Variants in RBFOX1 observed in about 807,000 individuals in gnomAD.
The protein encoded by RBFOX1 is RNA binding fox-1 homolog 1.
Under a neutral mutation model 57.7 loss-of-function variants are expected in RBFOX1, and 8 were observed. That is an observed-to-expected ratio of 0.14 (90% confidence interval 0.08 to 0.25). The LOEUF is 0.25. Among genes scored for constraint, RBFOX1 ranks in the 10% least tolerant of loss-of-function variants. The probability of loss-of-function intolerance (pLI) is 1.00; values close to 1 mark genes in which losing one functional copy is unlikely to be tolerated. For synonymous variants in RBFOX1, 326 were observed against 222.4 expected (o/e 1.47, Z -4.15); for missense variants, 611 against 548.5 (o/e 1.11, Z -1.14).
chr16:6,148,653 G>T (rs1276615899), intron 1 of RBFOX1, among the ~76,000 whole-genome samples: 4 of 152,308 alleles, frequency 2.6e-5, no homozygotes, highest in Non-Finnish European at 4.4e-5. Context: ...AAATGCTGGT[G>T]ATGTAGAACA....
At chr16:6,476,871 G>A (rs989221478) in intron 2 of RBFOX1, among the ~76,000 whole-genome samples, 1 of 152,194 alleles carries the variant, frequency 6.6e-6, no homozygotes, top group African/African-American at 2.4e-5. Flanking sequence ...AATCAACTAA[G>A]TGTATGTAAT....
intron 11 of RBFOX1, among the ~76,000 whole-genome samples, chr16:7,653,576 T>C (rs188786022): frequency 1.3e-5 from 2 of 152,340 alleles, no homozygotes; most frequent in African/African-American, 2.4e-5. Flanking sequence ...TTGCAAATGT[T>C]TGTCAGTCAC....
At chr16:6,402,261 C>G (rs1212434114) in intron 2 of RBFOX1, among the ~76,000 whole-genome samples, 3 of 152,124 alleles carry the variant, frequency 2.0e-5, no homozygotes, top group East Asian at 1.9e-4. Context: ...CCACTGGTCT[C>G]TGGGGTAGAA....
intron 3 of RBFOX1, among the ~76,000 whole-genome samples, chr16:7,025,725 C>T (rs1047048512): frequency 1.3e-5 from 2 of 151,998 alleles, no homozygotes; most frequent in Admixed American, 6.5e-5. Flanking sequence ...GTCAGGACAT[C>T]CTAGCTGAGC....
At chr16:6,647,146 A>G (rs1398238222) in intron 2 of RBFOX1, among the ~76,000 whole-genome samples, 1 of 152,172 alleles carries the variant, frequency 6.6e-6, no homozygotes, top group Non-Finnish European at 1.5e-5. Context: ...CTGGGTCCTC[A>G]TTTGGACATT....
intron 3 of RBFOX1, among the ~76,000 whole-genome samples, chr16:6,735,479 G>C (rs2069954751): frequency 6.6e-6 from 1 of 152,194 alleles, no homozygotes. Flanking sequence ...AATCTTCAGA[G>C]TATACATATT....
intron 1 of RBFOX1, among the ~76,000 whole-genome samples, chr16:5,313,831 G>C (rs565428804): frequency 2.0e-5 from 3 of 151,234 alleles, no homozygotes; most frequent in African/African-American, 7.3e-5. Flanking sequence ...TACAATCAAA[G>C]ATGAGATTTG....
At chr16:5,662,027 C>G (rs186346660) in intron 3 of RBFOX1, among the ~76,000 whole-genome samples, 4 of 152,190 alleles carry the variant, frequency 2.6e-5, no homozygotes, top group African/African-American at 7.2e-5. Flanking sequence ...ACGTCGTAAT[C>G]CACTCACCTC....
At chr16:5,731,936 G>C (rs912919591) in intron 3 of RBFOX1, among the ~76,000 whole-genome samples, 4 of 152,142 alleles carry the variant, frequency 2.6e-5, no homozygotes, top group Non-Finnish European at 5.9e-5. Flanking sequence ...TTTAATGGAA[G>C]GTCCTCTCTC....
intron 2 of RBFOX1, among the ~76,000 whole-genome samples, chr16:5,522,877 T>G (rs2044075423): frequency 6.6e-6 from 1 of 152,334 alleles, no homozygotes; most frequent in African/African-American, 2.4e-5. Flanking sequence ...GATTCCATTC[T>G]TTTTTTATGG....
intron 3 of RBFOX1, among the ~76,000 whole-genome samples, chr16:6,710,351 A>T (rs1019615690): frequency 6.6e-6 from 1 of 152,246 alleles, no homozygotes; most frequent in Non-Finnish European, 1.5e-5. Context: ...AACAGGTGAA[A>T]TTAATGCATT....
At chr16:6,867,437 G>A (rs12919862) in intron 3 of RBFOX1, among the ~76,000 whole-genome samples, 1 of 151,756 alleles carries the variant, frequency 6.6e-6, no homozygotes, top group Admixed American at 6.6e-5. Flanking sequence ...GAAGAAAGGG[G>A]GCCGGGTGTG....
intron 2 of RBFOX1, among the ~76,000 whole-genome samples, chr16:5,494,932 G>C (rs4630546): frequency 0.85 from 129,499 of 152,208 alleles, 55,204 homozygotes; most frequent in Middle Eastern, 0.92. Flanking sequence ...GCTCCTGTAA[G>C]TGAAGTAGGA....
At chr16:6,989,875 C>T (rs527466365) in intron 3 of RBFOX1, among the ~76,000 whole-genome samples, 2 of 152,024 alleles carry the variant, frequency 1.3e-5, no homozygotes, top group Non-Finnish European at 2.9e-5. Flanking sequence ...TGATGGGCAC[C>T]GTATAATCCC....
intron 4 of RBFOX1, among the ~76,000 whole-genome samples, chr16:7,171,269 C>T (rs1334141760): frequency 6.6e-6 from 1 of 152,136 alleles, no homozygotes; most frequent in Non-Finnish European, 1.5e-5. Context: ...TCCTTGAAAC[C>T]CCAATTTCCT....
At position 7,405,239 on chromosome 16, in the gene RBFOX1, G is replaced by T. The variant is rs116044725; in HGVS notation, c.28-112908G>T. Among the ~76,000 whole-genome samples the T allele has an allele frequency of 4.4e-3, 675 of 152,310 alleles. 2 individuals are homozygous for T. Among genetic ancestry groups the T allele is most frequent in the African/African-American group, 0.016 (647 of 41,564 alleles). ...GCTTGGTAAAGTAGAAAGGAAAACA[G>T]CAGAAATTAGCACGGCGCAGCGCTG... On this transcript the variant is annotated intron_variant, in intron 4 of 15. Coordinates refer to ENST00000550418, the MANE Select transcript of RBFOX1 (RefSeq NM_018723.4).
intron 3 of RBFOX1, among the ~76,000 whole-genome samples, chr16:6,903,987 G>T (rs958744612): frequency 6.6e-6 from 1 of 152,202 alleles, no homozygotes; most frequent in Middle Eastern, 3.4e-3. Context: ...ACATCCCAGG[G>T]AGTGACCACG....
chr16:5,984,684 A>G (rs2060245934), intron 4 of RBFOX1, among the ~76,000 whole-genome samples: 1 of 152,100 alleles, frequency 6.6e-6, no homozygotes, highest in South Asian at 2.1e-4. Context: ...TGAGAAGTGC[A>G]TCGTTAGGGA....
intron 1 of RBFOX1, among the ~76,000 whole-genome samples, chr16:5,410,070 TAATC>T (rs1456263915): frequency 7.4e-6 from 1 of 135,478 alleles, no homozygotes; most frequent in Non-Finnish European, 1.6e-5. Flanking sequence ...AAAAAAATAA[TAATC>T]AACATGCAGC....
Sources: allele counts gnomAD v4.1 joint callset (sites outside exome capture counted in the v4.1 genomes callset), GRCh38; gene constraint gnomAD v4.1.1; transcripts MANE v1.5; gene names NCBI Gene and HGNC (gene_info 2026-07-23, HGNC 2026-07-21).